Variants in CADM2 observed in about 807,000 individuals in gnomAD.
The protein encoded by CADM2 is cell adhesion molecule 2.
In CADM2, 12 loss-of-function variants were observed where a neutral mutation model predicts 49.8. That is an observed-to-expected ratio of 0.24 (90% CI 0.15 to 0.39). The LOEUF (loss-of-function observed/expected upper bound fraction) is 0.39, where lower values mean the gene tolerates loss of function less well. Among genes scored for constraint, CADM2 ranks in the 10% least tolerant of loss-of-function variants. The pLI is 1.00. For missense variants in CADM2, 378 were observed against 492.3 expected, an observed-to-expected ratio of 0.77 and a Z score of 2.20; for synonymous variants, 214 against 175.4, an observed-to-expected ratio of 1.22 and a Z score of -1.74.
chr3:85,496,028 T>A (rs552426037), intron 1 of CADM2, among the ~76,000 whole-genome samples: 19 of 152,328 alleles, frequency 1.2e-4, no homozygotes, highest in Middle Eastern at 3.4e-3. Context: ...TTCTTATTTT[T>A]TAAAAAATCT....
intron 1 of CADM2, among the ~76,000 whole-genome samples, chr3:85,072,087 G>T (rs2036767766): frequency 6.6e-6 from 1 of 151,100 alleles, no homozygotes; most frequent in Non-Finnish European, 1.5e-5. Flanking sequence ...TAATCAAACT[G>T]GGTAATCTTC....
At chr3:85,636,705 A>G (rs1334080364) in intron 1 of CADM2, among the ~76,000 whole-genome samples, 5 of 152,200 alleles carry the variant, frequency 3.3e-5, no homozygotes, top group African/African-American at 4.8e-5. Flanking sequence ...AGCATTTAAA[A>G]ACATTTTATA....
intron 1 of CADM2, among the ~76,000 whole-genome samples, chr3:85,292,013 G>T (rs1471942352): frequency 6.6e-6 from 1 of 151,954 alleles, no homozygotes; most frequent in Non-Finnish European, 1.5e-5. Context: ...AAACAGTCAA[G>T]ACCCATCAGT....
intron 1 of CADM2, among the ~76,000 whole-genome samples, chr3:85,529,274 C>T (rs531940774): frequency 8.7e-4 from 132 of 152,262 alleles, no homozygotes; most frequent in South Asian, 8.1e-3. Flanking sequence ...TGGGTCTTTG[C>T]TAAGTACACC....
intron 1 of CADM2, among the ~76,000 whole-genome samples, chr3:85,326,326 A>G (rs1002025276): frequency 1.3e-5 from 2 of 152,210 alleles, no homozygotes; most frequent in African/African-American, 2.4e-5. Context: ...GTAATTCTAC[A>G]TCTGTTTTTA....
intron 1 of CADM2, among the ~76,000 whole-genome samples, chr3:85,077,048 C>T (rs1476044527): frequency 2.0e-5 from 3 of 152,150 alleles, no homozygotes; most frequent in Non-Finnish European, 2.9e-5. Context: ...CTGAGAACGC[C>T]TTAATCAAAA....
chr3:86,063,974 G>A (rs138357126), intron 8 of CADM2, among the ~76,000 whole-genome samples: 1 of 151,982 alleles, frequency 6.6e-6, no homozygotes, highest in African/African-American at 2.4e-5. Context: ...CTTCTATAAA[G>A]AGCTAATTTT....
intron 8 of CADM2, among the ~76,000 whole-genome samples, chr3:85,971,982 G>A (rs1726208376): frequency 6.6e-6 from 1 of 151,550 alleles, no homozygotes; most frequent in Non-Finnish European, 1.5e-5. Context: ...GATGAAAAGG[G>A]ATTTATTCAA....
intron 1 of CADM2, among the ~76,000 whole-genome samples, chr3:85,032,864 GA>G (rs2035047466): frequency 6.6e-6 from 1 of 152,030 alleles, no homozygotes; most frequent in East Asian, 1.9e-4. Context: ...CCAATTTAAT[GA>G]AAGACTCTAC....
At chr3:85,680,252 A>AAT (rs938788515) in intron 1 of CADM2, among the ~76,000 whole-genome samples, 18 of 152,094 alleles carry the variant, frequency 1.2e-4, no homozygotes, top group African/African-American at 4.3e-4. Flanking sequence ...AGTTCTGATT[A>AAT]ATATATATAT....
chr3:85,381,381 G>C (rs1031459129), intron 1 of CADM2, among the ~76,000 whole-genome samples: 1 of 149,390 alleles, frequency 6.7e-6, no homozygotes, highest in Non-Finnish European at 1.5e-5. Context: ...GATACTGATG[G>C]TAGAAGGATG....
chr3:85,432,293 G>T (rs2036717253), intron 1 of CADM2, among the ~76,000 whole-genome samples: 1 of 151,834 alleles, frequency 6.6e-6, no homozygotes, highest in Non-Finnish European at 1.5e-5. Flanking sequence ...TTCAGTGACT[G>T]GTGTTGGAAG....
chr3:85,699,564 G>T (rs1014373659), intron 1 of CADM2, among the ~76,000 whole-genome samples: 1 of 152,228 alleles, frequency 6.6e-6, no homozygotes, highest in Non-Finnish European at 1.5e-5. Flanking sequence ...CTTATGGTTT[G>T]CACTCTCTGA....
intron 1 of CADM2, among the ~76,000 whole-genome samples, chr3:84,985,318 T>A (rs1559602778): frequency 6.6e-6 from 1 of 152,178 alleles, no homozygotes; most frequent in Non-Finnish European, 1.5e-5. Context: ...ATATTTTAAT[T>A]CTTAATCAGA....
chr3:85,975,132 A>G (rs1313868593), intron 8 of CADM2, among the ~76,000 whole-genome samples: 1 of 151,488 alleles, frequency 6.6e-6, no homozygotes, highest in Non-Finnish European at 1.5e-5. Context: ...AGTTTAGATC[A>G]TGAACACTGG....
intron 1 of CADM2, among the ~76,000 whole-genome samples, chr3:85,035,619 T>C (rs1346667343): frequency 6.6e-6 from 1 of 152,156 alleles, no homozygotes; most frequent in African/African-American, 2.4e-5. Flanking sequence ...GATAGGACTC[T>C]AGTTTCATTC....
intron 1 of CADM2, among the ~76,000 whole-genome samples, chr3:85,597,751 A>C (rs533400284): frequency 6.6e-6 from 1 of 152,240 alleles, no homozygotes; most frequent in African/African-American, 2.4e-5. Flanking sequence ...CGATAAAAAC[A>C]AAACATTTAA....
At chr3:85,323,490 G>A (rs1483822210) in intron 1 of CADM2, among the ~76,000 whole-genome samples, 2 of 151,974 alleles carry the variant, frequency 1.3e-5, no homozygotes, top group East Asian at 1.9e-4. Context: ...AGCTGTCACC[G>A]CCTATCAACA....
intron 6 of CADM2, 69 bp from the exon 7 acceptor site, chr3:85,935,698 A>G (rs1052399894): frequency 1.2e-4 from 86 of 723,604 alleles, no homozygotes; most frequent in Middle Eastern, 4.1e-4. Context: ...ACACAGCATG[A>G]TGCACAGTTA....
Sources: gnomAD v4.1 joint callset for allele counts (sites outside exome capture counted in the v4.1 genomes callset) on GRCh38, gnomAD v4.1.1 for gene constraint, MANE v1.5 for transcripts, NCBI Gene and HGNC (gene_info 2026-07-23, HGNC 2026-07-21) for gene names.